SHROOM1: variants seen among roughly 807,000 people sequenced by gnomAD.
SHROOM1 encodes the protein shroom family member 1.
A neutral mutation model predicts 64.2 loss-of-function variants in SHROOM1; 53 were observed. The observed-to-expected ratio is 0.83, with a 90% CI of 0.66 to 1.04. SHROOM1 has a LOEUF of 1.04. Ranked by LOEUF, SHROOM1 falls within the 50% of genes least tolerant of loss-of-function variation. SHROOM1 has a pLI of 0.00. For synonymous variants in SHROOM1, 490 were observed against 518.9 expected, an observed-to-expected ratio of 0.94 and a Z score of 0.76; for missense variants, 1,179 against 1,163.2, an observed-to-expected ratio of 1.01 and a Z score of -0.20.
At chr5:132,826,213 G>A (rs1729443331) in intron 3 of SHROOM1, 31 bp from the exon 4 acceptor site, 8 of 1,267,964 alleles carry the variant, frequency 6.3e-6, no homozygotes, top group Non-Finnish European at 7.9e-6. Flanking sequence ...TGCCGGGTGA[G>A]GAGCTCCGGG....
In SHROOM1 at chr5:132,825,438, C is replaced by G. The variant is rs751810590; in HGVS notation, c.703G>C (p.Gly235Arg). ...AGGCATTCCCGCGCCGGCCCACCGC[C>G]CCGACCCACACGATCCAGCTTTCCT... ...EPGKLDRVGR[G>R]GGPARECLGE... The change falls in exon 4 of 10, where the codon GGC becomes CGC. Residue 235 changes from glycine to arginine, a missense_variant. Transcript: ENST00000378679. The surrounding 1 kb of genome is among the most constrained non-coding windows in gnomAD (Gnocchi z 5.1). 8.2e-6 allele frequency: 13 copies of G among 1,591,606 alleles called. No individual in the cohort carries two copies. The South Asian group carries it at 1.3e-4, about 16-fold the overall frequency.
In SHROOM1 at chr5:132,830,534, G is replaced by A; in HGVS notation, c.-501+60C>T. 8.1e-6 allele frequency: 8 copies of A among 982,548 alleles called. No individual in the cohort carries two copies. The highest frequency in any genetic ancestry group is 9.7e-6 in the Non-Finnish European group (8 of 827,082). The allele number at this position is 982,548 out of a possible 1,614,324, so 60.9% of individuals were successfully genotyped here. A position where few individuals can be genotyped will look rare whatever the true frequency, so the allele number is the denominator to read the frequency against. On this transcript the variant is annotated intron_variant, in intron 1 of 9. Transcript: ENST00000378679. The surrounding 1 kb of genome is among the most constrained non-coding windows in gnomAD (Gnocchi z 5.9). ...CCCCCGTCCGCCCGCAGCCCCGCCG[G>A]CCTCCCGGGGGAAGCGGACCCAGCC...
chr5:132,827,558 G>T lies in SHROOM1; in HGVS notation c.-451C>A, dbSNP rs1177559263. 1 of 152,492 alleles carries T rather than the reference G, an allele frequency of 6.6e-6. No homozygotes were observed. Among genetic ancestry groups the T allele is most frequent in the Admixed American group, 6.5e-5 (1 of 15,288 alleles). The allele number at this position is 152,492 out of a possible 1,614,324, so 9.4% of individuals were successfully genotyped here. Reference sequence around the variant, plus strand: ...TTGAACCCGGGAGGCGGAAGTTGTAGTGAGCCGAGATCGCGCCACTGCACT... The same window carrying T: ...TTGAACCCGGGAGGCGGAAGTTGTATTGAGCCGAGATCGCGCCACTGCACT... On this transcript the variant is annotated 5_prime_UTR_variant, in exon 2 of 10. Coordinates refer to ENST00000378679, the MANE Select transcript of SHROOM1 (RefSeq NM_001172700.2).
chr5:132,824,307 C>A lies in SHROOM1; in HGVS notation c.1354G>T (p.Asp452Tyr). The part of the protein sequence containing the change: ...HECPGTAGAD[D>Y]CWQGVNGSVG... ...GAACCATTCACCCCCTGCCAGCAGT[C>A]ATCTGCCCCTGCAGTTCCTGGACAC... Residue 452 changes from aspartate (D) to tyrosine (Y), a missense_variant, in exon 7 of 10, where the codon GAC (aspartate) becomes TAC (tyrosine). Coordinates refer to ENST00000378679, the MANE Select transcript of SHROOM1 (RefSeq NM_001172700.2). 2 of 1,613,514 alleles carry A rather than the reference C, an allele frequency of 1.2e-6. No homozygotes were observed. The highest frequency in any genetic ancestry group is 1.7e-6 in the Non-Finnish European group (2 of 1,179,712).
chr5:132,823,916 A>T lies in SHROOM1; in HGVS notation c.1745T>A (p.Val582Asp). ...ACAGGCAGGCCGCATTGCAGCCCGG[A>T]CCTCTGCTAAAGGAATCAGTCCATC... ...LLDGLIPLAE[V>D]RAAMRPACGE... Residue 582 changes from valine to aspartate, a missense_variant, in exon 7 of 10, where the codon GTC becomes GAC. Val to Asp is a radical substitution (Grantham distance 152). Transcript: ENST00000378679. This position sits in a 1 kb window ranked among gnomAD's most constrained non-coding sequence, Gnocchi z 4.6. 2.6e-6 allele frequency: 4 copies of T among 1,557,496 alleles called. No individual in the cohort carries two copies. The highest frequency in any genetic ancestry group is 3.5e-6 in the Non-Finnish European group (4 of 1,154,324).
chr5:132,829,921 C>A, intron 1 of SHROOM1: 3 of 985,458 alleles, frequency 3.0e-6, no homozygotes, highest in Non-Finnish European at 3.6e-6. Flanking sequence ...GTCGCTGCAC[C>A]CCAGATGCAG....
rs767294279 is a variant in SHROOM1 at position 132,823,345 on chromosome 5, G to A, written c.2131C>T (p.Arg711Cys). The part of the protein sequence containing the change: ...RFSRFMADLE[R>C]VLGLLLLLGS... ...AGCAGCAGCAGAAGGCCAAGCACGC[G>A]CTCTAGGTCGGCCATGAACCGGCTG... The change falls in exon 9 of 10, where the codon CGC becomes TGC. Residue 711 changes from arginine (R) to cysteine (C), a missense_variant. By Grantham distance (180) the Arg-to-Cys change is radical. Transcript: ENST00000378679. This position sits in a 1 kb window ranked among gnomAD's most constrained non-coding sequence, Gnocchi z 4.6. 1.2e-6 allele frequency: 2 copies of A among 1,606,508 alleles called. No individual in the cohort carries two copies. The highest frequency in any genetic ancestry group is 1.1e-5 in the South Asian group (1 of 91,050).
In SHROOM1 at chr5:132,830,428, G is replaced by A. The variant is rs1363848655; in HGVS notation, c.-501+166C>T. ...GGGTCCGACTCCACTGGCGCAACCT[G>A]ACGCGGCGCCGAGCCAGACACGTCC... is the stretch of plus-strand genomic sequence containing the variant. On this transcript the variant is annotated intron_variant, in intron 1 of 9. Coordinates refer to ENST00000378679, the MANE Select transcript of SHROOM1 (RefSeq NM_001172700.2). This position sits in a 1 kb window ranked among gnomAD's most constrained non-coding sequence, Gnocchi z 5.9. 2 of 984,860 alleles carry A rather than the reference G, an allele frequency of 2.0e-6. No individual in the cohort carries two copies. Among genetic ancestry groups the A allele is most frequent in the East Asian group, 1.1e-4 (1 of 8,772 alleles). 61.0% of individuals were successfully genotyped at this position (984,860 alleles called of 1,614,324 possible).
Position 132,823,199 on chromosome 5 carries a change from G to C in SHROOM1, c.2226+51C>G. ...CGCTCCCGGAATGGTTCCAGCCGGA[G>C]ACAGCAGGCCCCTCACCGCCCTACT... On this transcript the variant is annotated intron_variant, in intron 9 of 9. Coordinates refer to ENST00000378679, the MANE Select transcript of SHROOM1 (RefSeq NM_001172700.2). The surrounding 1 kb of genome is among the most constrained non-coding windows in gnomAD (Gnocchi z 4.6). 6.4e-7 allele frequency: 1 copy of C among 1,556,048 alleles called. No individual in the cohort carries two copies. The highest frequency in any genetic ancestry group is 8.6e-7 in the Non-Finnish European group (1 of 1,159,262).
Position 132,823,544 on chromosome 5 carries a change from G to A in SHROOM1, c.1954-22C>T, listed in dbSNP as rs200936181. The stretch of plus-strand genomic sequence containing the variant: ...CCACCTACAGGGAAGGCTCAAGGCT[G>A]GGGCCAGGCTCATGACTTCCCTGCC... On this transcript the variant is annotated intron_variant, in intron 8 of 9. Transcript: ENST00000378679. This position sits in a 1 kb window ranked among gnomAD's most constrained non-coding sequence, Gnocchi z 4.6. The A allele has an allele frequency of 3.2e-6, 5 of 1,581,688 alleles. No homozygotes were observed. In the Admixed American group the frequency reaches 8.7e-5, roughly 28 times the overall value.
chr5:132,824,591 T>G, intron 6 of SHROOM1, 24 bp downstream of exon 6: 3 of 1,598,284 alleles, frequency 1.9e-6, no homozygotes, highest in Non-Finnish European at 2.6e-6. Context: ...TGCCTCACGA[T>G]GCTTGGAAGC....
In SHROOM1 at chr5:132,825,337, A is replaced by C; in HGVS notation, c.804T>G (p.Phe268Leu). 1.2e-6 allele frequency: 2 copies of C among 1,604,812 alleles called. No homozygotes were observed. The highest frequency in any genetic ancestry group is 1.7e-6 in the Non-Finnish European group (2 of 1,179,380). Reference protein sequence around the residue: ...LEFQHPALAKFEDHEVGWLPE... With the variant: ...LEFQHPALAKLEDHEVGWLPE... The stretch of plus-strand genomic sequence containing the variant: ...GCAGCCATCCGACCTCGTGATCTTC[A>C]AACTTAGCCAGCGCCGGATGCTGGA... Residue 268 changes from phenylalanine to leucine, a missense_variant, in exon 4 of 10, where the codon TTT becomes TTG. Phe to Leu is a conservative substitution (Grantham distance 22). Coordinates refer to ENST00000378679, the MANE Select transcript of SHROOM1 (RefSeq NM_001172700.2). The surrounding 1 kb of genome is among the most constrained non-coding windows in gnomAD (Gnocchi z 5.1).
rs144754588 is a variant in SHROOM1, at chr5:132,825,410, C to T, written c.731G>A (p.Gly244Asp). The change falls in exon 4 of 10, where the codon GGT becomes GAT. Residue 244 changes from glycine (G) to aspartate (D), a missense_variant. Transcript: ENST00000378679. The surrounding 1 kb of genome is among the most constrained non-coding windows in gnomAD (Gnocchi z 5.1). ...RGGGPARECL[G>D]EACSSSGLPG... ...GAGGCCAGAGCTGGAGCAGGCCTCA[C>T]CCAGGCATTCCCGCGCCGGCCCACC... 130 of 1,594,092 alleles carry T rather than the reference C, an allele frequency of 8.2e-5. No homozygotes were observed. The highest frequency in any genetic ancestry group is 1.1e-4 in the Non-Finnish European group (126 of 1,177,216).
In SHROOM1 at chr5:132,824,342, G is replaced by A. The variant is rs150299882; in HGVS notation, c.1319C>T (p.Pro440Leu). 5.4e-4 allele frequency: 867 copies of A among 1,608,256 alleles called. 2 individuals are homozygous for A. Among genetic ancestry groups the A allele is most frequent in the Middle Eastern group, 5.1e-3 (31 of 6,024 alleles). The change falls in exon 7 of 10, where the codon CCG (proline) becomes CTG (leucine). Residue 440 changes from proline (P) to leucine (L), a missense_variant. By Grantham distance (98) the Pro-to-Leu change is moderately conservative (BLOSUM62 -3). Coordinates refer to ENST00000378679, the MANE Select transcript of SHROOM1 (RefSeq NM_001172700.2). ...TGCAGTTCCTGGACACTCATGGAGC[G>A]GGTACTCTGTGGGGACTGTAACCTG... ...TGQVTVPTEY[P>L]LHECPGTAGA...
chr5:132,823,667 C>T lies in SHROOM1; in HGVS notation c.1909G>A (p.Gly637Arg). 1 of 1,610,758 alleles carries T rather than the reference C, an allele frequency of 6.2e-7. No homozygotes were observed. Among genetic ancestry groups the T allele is most frequent in the Non-Finnish European group, 8.5e-7 (1 of 1,178,406 alleles). The change falls in exon 8 of 10, where the codon GGG becomes AGG. Residue 637 changes from glycine to arginine, a missense_variant. Transcript: ENST00000378679. This position sits in a 1 kb window ranked among gnomAD's most constrained non-coding sequence, Gnocchi z 4.6. Reference protein sequence around the residue: ...ATHPVLDQPCGQGLPAPNNSI... With the variant: ...ATHPVLDQPCRQGLPAPNNSI... The stretch of plus-strand genomic sequence containing the variant: ...TTGTTTGGTGCAGGGAGCCCCTGCC[C>T]ACATGGCTGGTCAAGCACAGGGTGG...
chr5:132,825,039 A>T lies in SHROOM1; in HGVS notation c.1013T>A (p.Leu338Ter). 1 of 1,614,078 alleles carries T rather than the reference A, an allele frequency of 6.2e-7. No individual in the cohort carries two copies. The highest frequency in any genetic ancestry group is 8.5e-7 in the Non-Finnish European group (1 of 1,180,028). ...TCACCTGGAAAGTTTGGTCTGAAACAATGGTCTGGGGGTTTCTGCTCCTTG... is the reference window on the plus strand; with the variant it reads ...TCACCTGGAAAGTTTGGTCTGAAACTATGGTCTGGGGGTTTCTGCTCCTTG... ...VPQGAETPRPLFQTKLSRFLP... is the reference protein window; with the variant it reads ...VPQGAETPRP The change falls in exon 5 of 10, where the codon TTG becomes TAG. Residue 338 changes from leucine (L) to a stop codon, truncating the protein, a stop_gained. Coordinates refer to ENST00000378679, the MANE Select transcript of SHROOM1 (RefSeq NM_001172700.2). LOFTEE classifies it high-confidence loss of function. This position sits in a 1 kb window ranked among gnomAD's most constrained non-coding sequence, Gnocchi z 5.1.
chr5:132,825,603 G>C lies in SHROOM1; in HGVS notation c.538C>G (p.Pro180Ala). ...RLRPTVPARP[P>A]ATHPRSASLS... is the part of the protein sequence containing the mutation. Reference sequence around the variant, plus strand: ...GAGGCGGAGCGCGGGTGAGTCGCCGGGGGCCGCGCTGGGACAGTGGGCCGC... The same window carrying C: ...GAGGCGGAGCGCGGGTGAGTCGCCGCGGGCCGCGCTGGGACAGTGGGCCGC... The change falls in exon 4 of 10, where the codon CCG becomes GCG. Residue 180 changes from proline (P) to alanine (A), a missense_variant. By Grantham distance (27) the Pro-to-Ala change is conservative. Transcript: ENST00000378679. The surrounding 1 kb of genome is among the most constrained non-coding windows in gnomAD (Gnocchi z 5.1). 2.2e-6 allele frequency: 3 copies of C among 1,378,202 alleles called. No homozygotes were observed. Among genetic ancestry groups the C allele is most frequent in the Non-Finnish European group, 1.9e-6 (2 of 1,073,882 alleles). The allele number at this position is 1,378,202 out of a possible 1,614,324, so 85.4% of individuals were successfully genotyped here. A position where few individuals can be genotyped will look rare whatever the true frequency, so the allele number is the denominator to read the frequency against.
In SHROOM1 at chr5:132,825,812, T is replaced by G. The variant is rs907064312; in HGVS notation, c.329A>C (p.Gln110Pro). 17 of 1,252,532 alleles carry G rather than the reference T, an allele frequency of 1.4e-5. No homozygotes were observed. Among genetic ancestry groups the G allele is most frequent in the Non-Finnish European group, 1.6e-5 (16 of 1,000,104 alleles). The allele number at this position is 1,252,532 out of a possible 1,614,324, so 77.6% of individuals were successfully genotyped here. A position where few individuals can be genotyped will look rare whatever the true frequency, so the allele number is the denominator to read the frequency against. ...VPGTPGPLNRQATPLLYALAA... is the reference protein window; with the variant it reads ...VPGTPGPLNRPATPLLYALAA... Reference sequence around the variant, plus strand: ...CAGCGCGTACAGCAGCGGGGTGGCCTGCCTGTTCAGTGGTCCCGGGGTCCC... The same window carrying G: ...CAGCGCGTACAGCAGCGGGGTGGCCGGCCTGTTCAGTGGTCCCGGGGTCCC... Residue 110 changes from glutamine to proline, a missense_variant, in exon 4 of 10, where the codon CAG (glutamine) becomes CCG (proline). Transcript: ENST00000378679. This position sits in a 1 kb window ranked among gnomAD's most constrained non-coding sequence, Gnocchi z 5.1.
rs6863392 is a variant in SHROOM1, at chr5:132,829,683, C to T, written c.-501+911G>A. ...CCTCCCAGCGGGTCTTCCCTCAGTA[C>T]TGGGCTCACTGTGTAGGCGCTGTCT... is the stretch of plus-strand genomic sequence containing the variant. On this transcript the variant is annotated intron_variant, in intron 1 of 9. Coordinates refer to ENST00000378679, the MANE Select transcript of SHROOM1 (RefSeq NM_001172700.2). 12,792 of 985,394 alleles carry T rather than the reference C, an allele frequency of 0.013. 1,208 individuals are homozygous for T. The African/African-American group carries it at 0.2, about 15-fold the overall frequency. 61.0% of individuals were successfully genotyped at this position (985,394 alleles called of 1,614,324 possible). A position where few individuals can be genotyped will look rare whatever the true frequency, so the allele number is the denominator to read the frequency against.
Sources: allele counts gnomAD v4.1 joint callset, GRCh38; gene constraint gnomAD v4.1.1; non-coding constraint Gnocchi (gnomAD v3.1); transcripts MANE v1.5; gene names NCBI Gene and HGNC (gene_info 2026-07-23, HGNC 2026-07-21).